The following DNAH8 variants were observed in gnomAD, a reference collection of about 807,000 sequenced individuals.
DNAH8 encodes dynein axonemal heavy chain 8.
In DNAH8, 382 loss-of-function variants were observed where a neutral mutation model predicts 562.1. That is an observed-to-expected ratio of 0.68 (90% CI 0.63 to 0.74). DNAH8 has a LOEUF of 0.74. Ranked by LOEUF, DNAH8 falls within the 30% of genes least tolerant of loss-of-function variation. The pLI, the probability that DNAH8 is intolerant of heterozygous loss-of-function variation, is 0.00. For synonymous variants in DNAH8, 1,881 were observed against 1,919.4 expected (o/e 0.98, Z 0.52); for missense variants, 5,203 against 5,620.4 (o/e 0.93, Z 2.37).
At position 38,719,409 on chromosome 6, in the gene DNAH8, A is replaced by T. The variant is rs1698988; in HGVS notation, c.-34-3367A>T. ...CTTCCCTTCCCCTTCTTGTACCCCC[A>T]GTGTCTCTTGTTTCCATCTTTATGT... On this transcript the variant is annotated intron_variant, in intron 1 of 92. Transcript: ENST00000327475. Among the ~76,000 whole-genome samples, 212 of 151,702 alleles carry T rather than the reference A, an allele frequency of 1.4e-3. 3 individuals are homozygous for T. The highest frequency in any genetic ancestry group is 4.9e-3 in the Admixed American group (74 of 15,228).
At chr6:38,995,059 C>CTTTT (rs149324423) in intron 88 of DNAH8, among the ~76,000 whole-genome samples, 2,936 of 138,700 alleles carry the variant, frequency 0.021, 119 homozygotes, top group African/African-American at 0.072. Context: ...CCTCATTGCT[C>CTTTT]TTTTTTTTTT....
At chr6:38,732,212 A>G (rs1353276404) in intron 4 of DNAH8, among the ~76,000 whole-genome samples, 1 of 152,194 alleles carries the variant, frequency 6.6e-6, no homozygotes, top group Non-Finnish European at 1.5e-5. Context: ...ATACAGCTGC[A>G]TTGTGATTTT....
chr6:38,777,195 G>A (rs566203758), intron 13 of DNAH8, among the ~76,000 whole-genome samples: 2 of 152,150 alleles, frequency 1.3e-5, no homozygotes, highest in Admixed American at 6.5e-5. Context: ...TTTAGTGTTT[G>A]GCTGGTTAGG....
chr6:38,722,918 C>G lies in DNAH8; in HGVS notation c.109C>G (p.Pro37Ala), dbSNP rs779879117. Residue 37 changes from proline to alanine, a missense_variant, in exon 2 of 93, where the codon CCG (proline) becomes GCG (alanine). Pro to Ala is a conservative substitution (Grantham distance 27). Transcript: ENST00000327475. ...RSEEEEAPRP[P>A]TVEAPAEDGF... ...AGAAGAGGAAGAGGCCCCGCGCCCT[C>G]CGACAGTGGAGGCCCCGGCAGAAGA... The G allele has an allele frequency of 4.3e-6, 7 of 1,612,454 alleles. No individual in the cohort carries two copies. The highest frequency in any genetic ancestry group is 1.1e-5 in the South Asian group (1 of 91,062).
intron 22 of DNAH8, 44 bp downstream of exon 22, chr6:38,803,355 T>G: frequency 6.6e-7 from 1 of 1,521,804 alleles, no homozygotes; most frequent in Non-Finnish European, 9.0e-7. Flanking sequence ...GATCTACAGA[T>G]TCGTTCTTAT....
chr6:38,925,907 G>A, intron 73 of DNAH8, 148 bp from the exon 74 acceptor site: 2 of 616,624 alleles, frequency 3.2e-6, no homozygotes, highest in Non-Finnish European at 5.1e-6. Context: ...ACATTTACAA[G>A]TTTGCTTTTT....
chr6:38,967,917 A>T (rs1161667003), intron 82 of DNAH8, among the ~76,000 whole-genome samples: 2 of 152,204 alleles, frequency 1.3e-5, no homozygotes, highest in Non-Finnish European at 2.9e-5. Context: ...TGATATGGGC[A>T]TAAAGATATA....
At chr6:38,955,147 G>GT (rs903133312) in intron 82 of DNAH8, among the ~76,000 whole-genome samples, 6 of 151,814 alleles carry the variant, frequency 4.0e-5, no homozygotes, top group South Asian at 2.1e-4. Flanking sequence ...TTTGTTTTCT[G>GT]TTTTTTTGTA....
chr6:38,830,439 C>T (rs753683039), intron 30 of DNAH8, among the ~76,000 whole-genome samples: 6 of 151,730 alleles, frequency 4.0e-5, no homozygotes, highest in Non-Finnish European at 7.4e-5. Context: ...TCGAGACCAT[C>T]CTGGCTAACA....
In DNAH8 at chr6:38,921,479, A is replaced by C. The variant is rs1229103500; in HGVS notation, c.10635A>C (p.Lys3545Asn). The C allele has an allele frequency of 6.2e-7, 1 of 1,613,564 alleles. No individual in the cohort carries two copies. The highest frequency in any genetic ancestry group is 1.7e-4 in the Middle Eastern group (1 of 6,054). The change falls in exon 71 of 93, where the codon AAA becomes AAC. Residue 3545 changes from lysine (K) to asparagine (N), a missense_variant. By Grantham distance (94) the Lys-to-Asn change is moderately conservative. Coordinates refer to ENST00000327475, the MANE Select transcript of DNAH8 (RefSeq NM_001206927.2). ...CTGAGCTGGATAAAGTACAGGCAAA[A>C]TTTGATGCAGCAATGAATGAGAAAA... ...KQAELDKVQAKFDAAMNEKMD... is the reference protein window; with the variant it reads ...KQAELDKVQANFDAAMNEKMD...
chr6:38,951,572 C>A (rs574062462), intron 82 of DNAH8, 52 bp downstream of exon 82: 17 of 1,516,310 alleles, frequency 1.1e-5, no homozygotes, highest in Non-Finnish European at 1.5e-5. Flanking sequence ...TTTTTTGCCC[C>A]AAATTTTGCC....
At chr6:38,915,765 T>G (rs961315549) in intron 68 of DNAH8, among the ~76,000 whole-genome samples, 2 of 152,020 alleles carry the variant, frequency 1.3e-5, no homozygotes, top group African/African-American at 4.8e-5. Flanking sequence ...GAGCTAGACA[T>G]CCACAGCTGT....
At chr6:38,963,044 G>C (rs566898368) in intron 82 of DNAH8, among the ~76,000 whole-genome samples, 1 of 151,972 alleles carries the variant, frequency 6.6e-6, no homozygotes, top group South Asian at 2.1e-4. Flanking sequence ...TGGGTGATGG[G>C]TACACCAAAA....
chr6:39,011,529 G>A (rs890998342), intron 89 of DNAH8, among the ~76,000 whole-genome samples: 1 of 152,180 alleles, frequency 6.6e-6, no homozygotes, highest in Non-Finnish European at 1.5e-5. Context: ...ATTGAAATGT[G>A]TATATTGCAT....
At chr6:38,854,922 T>C (rs1167542461) in intron 41 of DNAH8, among the ~76,000 whole-genome samples, 2 of 148,896 alleles carry the variant, frequency 1.3e-5, no homozygotes, top group African/African-American at 2.4e-5. Context: ...ATTTTTACAA[T>C]GTATATAATA....
At chr6:38,969,386 G>A (rs1372267706) in intron 82 of DNAH8, among the ~76,000 whole-genome samples, 1 of 152,116 alleles carries the variant, frequency 6.6e-6, no homozygotes, top group African/African-American at 2.4e-5. Context: ...TAAGTCCCTA[G>A]CTGATATTCT....
At chr6:38,756,423 G>A (rs1765911160) in intron 10 of DNAH8, among the ~76,000 whole-genome samples, 1 of 152,020 alleles carries the variant, frequency 6.6e-6, no homozygotes, top group Admixed American at 6.6e-5. Flanking sequence ...ACTATAGTTT[G>A]TGTAAAATTT....
At chr6:38,977,672 C>T (rs1763762967) in intron 85 of DNAH8, among the ~76,000 whole-genome samples, 1 of 152,188 alleles carries the variant, frequency 6.6e-6, no homozygotes, top group Non-Finnish European at 1.5e-5. Context: ...ACATTTTCCT[C>T]CAAAGTCTTA....
At chr6:38,848,060 G>A (rs1481354329) in intron 36 of DNAH8, among the ~76,000 whole-genome samples, 1 of 152,124 alleles carries the variant, frequency 6.6e-6, no homozygotes, top group African/African-American at 2.4e-5. Context: ...CTTCAAGCTT[G>A]ACTCTGGCTG....
Sources: allele counts gnomAD v4.1 joint callset (sites outside exome capture counted in the v4.1 genomes callset), GRCh38; gene constraint gnomAD v4.1.1; transcripts MANE v1.5; gene names NCBI Gene and HGNC (gene_info 2026-07-23, HGNC 2026-07-21).